Variants in REEP1 observed in about 807,000 individuals in gnomAD.
REEP1 encodes the protein receptor accessory protein 1.
Under a neutral mutation model 40.3 loss-of-function variants are expected in REEP1, and 22 were observed. That is an observed-to-expected ratio of 0.55 (90% confidence interval 0.39 to 0.78). REEP1 has a LOEUF of 0.78. Among genes scored for constraint, REEP1 ranks in the 30% least tolerant of loss-of-function variants. The probability of loss-of-function intolerance (pLI) is 0.00; values close to 1 mark genes in which losing one functional copy is unlikely to be tolerated. For missense variants in REEP1, 280 were observed against 361.1 expected, an observed-to-expected ratio of 0.78 and a Z score of 1.82; for synonymous variants, 116 against 139.2, an observed-to-expected ratio of 0.83 and a Z score of 1.17.
At chr2:86,220,789 A>C (rs1019180643) in intron 7 of REEP1, among the ~76,000 whole-genome samples, 4 of 152,182 alleles carry the variant, frequency 2.6e-5, no homozygotes, top group Non-Finnish European at 5.9e-5. Context: ...CTGCCAAAAA[A>C]AATGATAGCA....
At chr2:86,303,069 G>T (rs2104461634) in intron 1 of REEP1, among the ~76,000 whole-genome samples, 1 of 152,230 alleles carries the variant, frequency 6.6e-6, no homozygotes, top group Non-Finnish European at 1.5e-5. Context: ...TAGAAATGGG[G>T]TCTTGCTCTG....
At chr2:86,274,599 C>A (rs1313958083) in intron 2 of REEP1, among the ~76,000 whole-genome samples, 1 of 152,156 alleles carries the variant, frequency 6.6e-6, no homozygotes, top group Non-Finnish European at 1.5e-5. Flanking sequence ...GTTATTTTCC[C>A]CAAGGTTTGA....
intron 2 of REEP1, among the ~76,000 whole-genome samples, chr2:86,272,218 A>C (rs537190769): frequency 1.3e-5 from 2 of 152,316 alleles, no homozygotes; most frequent in African/African-American, 4.8e-5. Context: ...GTGAAACTCC[A>C]TCTCAGAAAA....
intron 1 of REEP1, among the ~76,000 whole-genome samples, chr2:86,313,204 G>A (rs1036393492): frequency 1.3e-5 from 2 of 151,934 alleles, no homozygotes; most frequent in Non-Finnish European, 2.9e-5. Flanking sequence ...CAACCACCTG[G>A]GCTCAAGTGA....
intron 1 of REEP1, among the ~76,000 whole-genome samples, chr2:86,320,646 A>G (rs1471853510): frequency 6.6e-6 from 1 of 152,230 alleles, no homozygotes; most frequent in Non-Finnish European, 1.5e-5. Flanking sequence ...AGGAACAGAC[A>G]TCATAAAATA....
chr2:86,304,562 C>T (rs1679399434), intron 1 of REEP1, among the ~76,000 whole-genome samples: 1 of 152,218 alleles, frequency 6.6e-6, no homozygotes, highest in Admixed American at 6.5e-5. Context: ...ATTCCCCTCC[C>T]AAAGCCGCTA....
chr2:86,294,265 A>G (rs1219476351), intron 1 of REEP1, among the ~76,000 whole-genome samples: 1 of 152,258 alleles, frequency 6.6e-6, no homozygotes, highest in African/African-American at 2.4e-5. Context: ...TGTACATTTA[A>G]AAATGGTTAA....
Position 86,323,878 on chromosome 2 carries a change from T to C in REEP1, c.32+13601A>G, listed in dbSNP as rs374706940. ...CTGCACATTATAGAAACTCACTTTA[T>C]GACAGGGCAGGGCACTGCAGGTCTG... On this transcript the variant is annotated intron_variant, in intron 1 of 8. Transcript: ENST00000538924. 5.9e-5 allele frequency among the ~76,000 whole-genome samples: 9 copies of C among 152,162 alleles called. No homozygotes were observed. The East Asian group carries it at 1.3e-3, about 23-fold the overall frequency.
At chr2:86,245,491 C>A (rs1435432878) in intron 5 of REEP1, among the ~76,000 whole-genome samples, 1 of 152,212 alleles carries the variant, frequency 6.6e-6, no homozygotes, top group Non-Finnish European at 1.5e-5. Context: ...AAAGGAGATT[C>A]ATTTAAACCA....
chr2:86,263,293 G>A (rs1676961075), intron 3 of REEP1, among the ~76,000 whole-genome samples: 1 of 152,136 alleles, frequency 6.6e-6, no homozygotes, highest in Non-Finnish European at 1.5e-5. Flanking sequence ...GCAATGATGC[G>A]ATCTTGGCTT....
intron 1 of REEP1, among the ~76,000 whole-genome samples, chr2:86,313,439 T>A (rs1445605836): frequency 6.6e-6 from 1 of 152,138 alleles, no homozygotes; most frequent in East Asian, 1.9e-4. Context: ...TTCTCTGGAT[T>A]CCATCTGTTT....
At chr2:86,334,146 A>C (rs1447679964) in intron 1 of REEP1, among the ~76,000 whole-genome samples, 1 of 152,220 alleles carries the variant, frequency 6.6e-6, no homozygotes, top group African/African-American at 2.4e-5. Flanking sequence ...TTGTAAAGGG[A>C]AACAAGCCAC....
Position 86,232,614 on chromosome 2 carries a change from G to T in REEP1, c.595+11C>A. The T allele has an allele frequency of 1.2e-6, 2 of 1,612,088 alleles. No homozygotes were observed. The highest frequency in any genetic ancestry group is 8.5e-7 in the Non-Finnish European group (1 of 1,179,928). On this transcript the variant is annotated intron_variant, in intron 6 of 8. Coordinates refer to ENST00000538924, the MANE Select transcript of REEP1 (RefSeq NM_001371279.1). ...AGGAGTGGGAAAGAGGGGAAGTAAA[G>T]TGACACCTACCTGAGCTGCTAGCGC... is the stretch of plus-strand genomic sequence containing the variant.
At chr2:86,314,245 T>C (rs72926411) in intron 1 of REEP1, among the ~76,000 whole-genome samples, 3,822 of 152,262 alleles carry the variant, frequency 0.025, 157 homozygotes, top group African/African-American at 0.084. Flanking sequence ...GCCAGCCCAG[T>C]GGCAGCAGCT....
chr2:86,270,441 C>T (rs1288924103), intron 2 of REEP1, among the ~76,000 whole-genome samples: 5 of 152,144 alleles, frequency 3.3e-5, no homozygotes, highest in African/African-American at 1.2e-4. Context: ...GGTGATCCAC[C>T]CACTTGGCCT....
intron 7 of REEP1, among the ~76,000 whole-genome samples, chr2:86,225,445 A>G (rs1219071291): frequency 6.6e-6 from 1 of 151,994 alleles, no homozygotes; most frequent in Admixed American, 6.5e-5. Context: ...CTAATTTTAT[A>G]TTTTTAGTAG....
At chr2:86,217,227 G>T in intron 8 of REEP1, 117 bp from the exon 9 acceptor site, 2 of 840,726 alleles carry the variant, frequency 2.4e-6, no homozygotes, top group Non-Finnish European at 4.1e-6. Context: ...AATGCAGCTG[G>T]CTAGGGCTGG....
chr2:86,307,521 G>A (rs1419893618), intron 1 of REEP1, among the ~76,000 whole-genome samples: 10 of 152,174 alleles, frequency 6.6e-5, no homozygotes. Flanking sequence ...CCAATACTTT[G>A]GGAGGCCAAG....
At chr2:86,231,538 G>A (rs764669474) in intron 6 of REEP1, among the ~76,000 whole-genome samples, 21 of 152,218 alleles carry the variant, frequency 1.4e-4, no homozygotes, top group Non-Finnish European at 2.8e-4. Context: ...GTCAGGACAT[G>A]GGGCTTATGG....
Sources: allele counts gnomAD v4.1 joint callset (sites outside exome capture counted in the v4.1 genomes callset), GRCh38; gene constraint gnomAD v4.1.1; transcripts MANE v1.5; gene names NCBI Gene and HGNC (gene_info 2026-07-23, HGNC 2026-07-21).